Variants in PCGF3 observed in about 807,000 individuals in gnomAD.
PCGF3 encodes the protein polycomb group RING finger protein 3.
Under a neutral mutation model 33.1 loss-of-function variants are expected in PCGF3, and 7 were observed. The ratio of observed to expected loss-of-function variants is 0.21; its 90% CI spans 0.12 to 0.40. The LOEUF (loss-of-function observed/expected upper bound fraction) is 0.40. Ranked by LOEUF, PCGF3 falls within the 10% of genes least tolerant of loss-of-function variation. The pLI, the probability that PCGF3 is intolerant of heterozygous loss-of-function variation, is 1.00. For synonymous variants in PCGF3, 153 were observed against 121.3 expected, an observed-to-expected ratio of 1.26 and a Z score of -1.72; for missense variants, 211 against 313.3, an observed-to-expected ratio of 0.67 and a Z score of 2.46.
exon 11 of PCGF3, chr4:768,617 C>T (rs933341904): frequency 6.6e-6 from 1 of 152,210 alleles, no homozygotes; most frequent in African/African-American, 2.4e-5. Context: ...CTCACCGATG[C>T]AGTTTTCATG....
chr4:764,669 C>A lies in PCGF3; in HGVS notation c.601-315C>A, dbSNP rs999118213. On this transcript the variant is annotated intron_variant, in intron 9 of 10. Transcript: ENST00000362003. ...GCCAGATAGGGGCGGGATGGGAGCCCACCACTGCAAGGAGCTTGTGCCTGC... is the reference window on the plus strand; with the variant it reads ...GCCAGATAGGGGCGGGATGGGAGCCAACCACTGCAAGGAGCTTGTGCCTGC... 2.1e-5 allele frequency: 6 copies of A among 284,614 alleles called. No individual in the cohort carries two copies. In the East Asian group the frequency reaches 4.9e-4, roughly 23 times the overall value. 17.6% of individuals were successfully genotyped at this position (284,614 alleles called of 1,614,324 possible).
chr4:759,938 G>A (rs1328016434), intron 8 of PCGF3, among the ~76,000 whole-genome samples: 1 of 149,816 alleles, frequency 6.7e-6, no homozygotes, highest in Non-Finnish European at 1.5e-5. Flanking sequence ...TCCGGACTCC[G>A]GGTCTTTCTC....
chr4:741,131 A>G (rs1206859824), intron 6 of PCGF3, among the ~76,000 whole-genome samples: 1 of 152,266 alleles, frequency 6.6e-6, no homozygotes, highest in African/African-American at 2.4e-5. Context: ...ACTCAACACC[A>G]GCAATATCCC....
intron 6 of PCGF3, among the ~76,000 whole-genome samples, chr4:739,959 C>A (rs1744015499): frequency 6.6e-6 from 1 of 152,160 alleles, no homozygotes; most frequent in Admixed American, 6.5e-5. Context: ...AGTCAATATT[C>A]TTTTTCTTGT....
At chr4:707,366 C>CCATA (rs1004517065) in intron 1 of PCGF3, among the ~76,000 whole-genome samples, 1 of 152,226 alleles carries the variant, frequency 6.6e-6, no homozygotes, top group Admixed American at 6.5e-5. Flanking sequence ...GACCCCATGA[C>CCATA]CATAATTCAG....
intron 4 of PCGF3, chr4:734,078 C>T (rs1259096588): frequency 6.4e-7 from 1 of 1,550,606 alleles, no homozygotes; most frequent in African/African-American, 1.4e-5. Flanking sequence ...TGTGACAGTG[C>T]TCACTGCTGG....
intron 3 of PCGF3, 138 bp from the exon 4 acceptor site, chr4:733,534 C>G (rs1743705335): frequency 1.3e-6 from 1 of 775,512 alleles, no homozygotes; most frequent in Non-Finnish European, 2.0e-6. Flanking sequence ...AGCCTGGGAC[C>G]CCGTGAGCCC....
At chr4:762,447 C>G (rs1188476140) in intron 9 of PCGF3, 1 of 152,230 alleles carries the variant, frequency 6.6e-6, no homozygotes, top group Non-Finnish European at 1.5e-5. Context: ...GTTGGAAATT[C>G]CATCCCCAGC....
intron 1 of PCGF3, among the ~76,000 whole-genome samples, chr4:712,790 G>A (rs958807282): frequency 1.3e-5 from 2 of 152,232 alleles, no homozygotes; most frequent in African/African-American, 4.8e-5. Context: ...GGATTTGTTG[G>A]CTTGGTTTCT....
Position 727,233 on chromosome 4 carries a change from C to CTTT in PCGF3, c.-189-3374_-189-3372dup, listed in dbSNP as rs57690550. 5.3e-3 allele frequency among the ~76,000 whole-genome samples: 330 copies of CTTT among 61,892 alleles called. 6 individuals are homozygous for CTTT. The highest frequency in any genetic ancestry group is 6.4e-3 in the African/African-American group (101 of 15,768). The allele number at this position is 61,892 out of a possible 152,430, so 40.6% of individuals were successfully genotyped here. ...AGAGGATGTGTGTGTTAGCGAGCGT[C>CTTT]TTTTTTTTTTTTTTTTTTTTTTTTT... On this transcript the variant is annotated intron_variant, in intron 1 of 10. Transcript: ENST00000362003.
intron 1 of PCGF3, among the ~76,000 whole-genome samples, chr4:719,760 G>A (rs1042130453): frequency 1.3e-5 from 2 of 152,184 alleles, no homozygotes; most frequent in African/African-American, 2.4e-5. Flanking sequence ...AACCAGGTGC[G>A]GAGACAAAGA....
chr4:752,139 G>T (rs1744542552), intron 8 of PCGF3, among the ~76,000 whole-genome samples: 1 of 152,240 alleles, frequency 6.6e-6, no homozygotes, highest in Non-Finnish European at 1.5e-5. Flanking sequence ...CAGGTGAATG[G>T]CGTTTCCCAC....
intron 1 of PCGF3, among the ~76,000 whole-genome samples, chr4:730,417 G>A (rs1577409579): frequency 6.6e-6 from 1 of 152,282 alleles, no homozygotes; most frequent in Middle Eastern, 3.4e-3. Flanking sequence ...TGTCTCCGAT[G>A]CCTTGGGCCT....
chr4:710,542 G>A (rs1488756484), intron 1 of PCGF3, among the ~76,000 whole-genome samples: 9 of 152,244 alleles, frequency 5.9e-5, no homozygotes, highest in Admixed American at 2.0e-4. Flanking sequence ...GAGACATCCC[G>A]TAAGTAAATC....
At chr4:715,220 T>C (rs1418877484) in intron 1 of PCGF3, among the ~76,000 whole-genome samples, 2 of 134,304 alleles carry the variant, frequency 1.5e-5, no homozygotes, top group Non-Finnish European at 3.2e-5. Context: ...GTGTTGGTGC[T>C]GGGACCCTGT....
At chr4:724,432 G>A (rs970640595) in intron 1 of PCGF3, among the ~76,000 whole-genome samples, 1 of 152,282 alleles carries the variant, frequency 6.6e-6, no homozygotes, top group African/African-American at 2.4e-5. Flanking sequence ...CCATGGACCA[G>A]AAGGCGGAGC....
intron 6 of PCGF3, among the ~76,000 whole-genome samples, chr4:739,103 G>A (rs1743973364): frequency 6.6e-6 from 1 of 152,190 alleles, no homozygotes; most frequent in South Asian, 2.1e-4. Flanking sequence ...ACAATACCTT[G>A]ATAATGTTTA....
chr4:735,241 TA>T (rs1560205961), intron 5 of PCGF3, among the ~76,000 whole-genome samples: 5 of 152,306 alleles, frequency 3.3e-5, no homozygotes, highest in Admixed American at 3.3e-4. Flanking sequence ...TGCCTGCACA[TA>T]CATTTCCATC....
intron 8 of PCGF3, among the ~76,000 whole-genome samples, chr4:756,208 G>T (rs540006301): frequency 2.3e-5 from 3 of 128,794 alleles, no homozygotes; most frequent in Non-Finnish European, 4.9e-5. Flanking sequence ...AGCCACCGCC[G>T]CACTTGGCTT....
Sources: allele counts gnomAD v4.1 joint callset (sites outside exome capture counted in the v4.1 genomes callset), GRCh38; gene constraint gnomAD v4.1.1; transcripts MANE v1.5; gene names NCBI Gene and HGNC (gene_info 2026-07-23, HGNC 2026-07-21).